The following MTFR1 variants were observed in gnomAD, a reference collection of about 807,000 sequenced individuals.
MTFR1 encodes the protein mitochondrial fission regulator 1.
In MTFR1, 28 loss-of-function variants were observed where a neutral mutation model predicts 38.8. The ratio of observed to expected loss-of-function variants is 0.72; its 90% CI spans 0.53 to 0.99. MTFR1 has a LOEUF of 0.99. Among genes scored for constraint, MTFR1 ranks in the 50% least tolerant of loss-of-function variants. MTFR1 has a pLI of 0.00. For synonymous variants in MTFR1, 145 were observed against 137.0 expected, an observed-to-expected ratio of 1.06 and a Z score of -0.41; for missense variants, 358 against 395.5, an observed-to-expected ratio of 0.91 and a Z score of 0.81.
chr8:65,777,959 T>C, the MTFR1 span, among the ~76,000 whole-genome samples: 4 of 152,228 alleles, frequency 2.6e-5, no homozygotes, highest in African/African-American at 7.2e-5. Flanking sequence ...TTCTAGAGAT[T>C]TCTCAGCCAT....
At chr8:65,737,798 C>T (rs1041301189) in intron 3 of MTFR1, among the ~76,000 whole-genome samples, 1 of 152,176 alleles carries the variant, frequency 6.6e-6, no homozygotes, top group Non-Finnish European at 1.5e-5. Flanking sequence ...GGATTACAGG[C>T]GTGAGCCACC....
chr8:65,650,468 A>G (rs2129047122), intron 1 of MTFR1, among the ~76,000 whole-genome samples: 2 of 152,202 alleles, frequency 1.3e-5, no homozygotes, highest in African/African-American at 4.8e-5. Flanking sequence ...CACCGCGCCT[A>G]GCCAACCATC....
chr8:65,727,600 G>T (rs1296962737), intron 3 of MTFR1: 1 of 235,462 alleles, frequency 4.2e-6, no homozygotes, highest in Non-Finnish European at 8.1e-6. Flanking sequence ...AACATAAACC[G>T]TTCTTTTTGA....
intron 1 of MTFR1, among the ~76,000 whole-genome samples, chr8:65,664,262 A>G (rs1006499759): frequency 2.0e-5 from 3 of 152,336 alleles, no homozygotes; most frequent in East Asian, 1.9e-4. Context: ...TTTTATTTGT[A>G]ATAGCTAAAA....
intron 3 of MTFR1, among the ~76,000 whole-genome samples, chr8:65,759,860 A>AT (rs201184630): frequency 6.7e-5 from 10 of 150,248 alleles, no homozygotes; most frequent in Admixed American, 3.3e-4. Context: ...GGTACTCTAG[A>AT]TTTTTTTTTT....
At chr8:65,664,675 C>T (rs1804323130) in intron 1 of MTFR1, among the ~76,000 whole-genome samples, 1 of 148,968 alleles carries the variant, frequency 6.7e-6, no homozygotes, top group South Asian at 2.1e-4. Flanking sequence ...CAGCCCATTG[C>T]AACTTTTGCC....
chr8:65,666,105 T>A (rs66824691), intron 1 of MTFR1, among the ~76,000 whole-genome samples: 29,217 of 152,100 alleles, frequency 0.19, 2,968 homozygotes, highest in Middle Eastern at 0.23. Flanking sequence ...AATATGAAAA[T>A]ATTAAAATAG....
downstream of MTFR1, among the ~76,000 whole-genome samples, chr8:65,710,904 T>C (rs541242062): frequency 1.4e-4 from 22 of 152,160 alleles, no homozygotes; most frequent in African/African-American, 5.1e-4. Context: ...AGAATAGTTA[T>C]ACCTCAGCTA....
chr8:65,742,172 TA>T (rs1449984470), intron 3 of MTFR1, among the ~76,000 whole-genome samples: 1 of 152,248 alleles, frequency 6.6e-6, no homozygotes, highest in Non-Finnish European at 1.5e-5. Context: ...ATTGTATTTT[TA>T]GAAAAGCTAC....
chr8:65,750,677 A>C (rs915237945), intron 3 of MTFR1, among the ~76,000 whole-genome samples: 1 of 152,108 alleles, frequency 6.6e-6, no homozygotes, highest in East Asian at 1.9e-4. Flanking sequence ...GGTTAAGTCA[A>C]TTGGTACTGT....
At chr8:65,762,884 C>T (rs1459543590) in intron 3 of MTFR1, among the ~76,000 whole-genome samples, 1 of 151,982 alleles carries the variant, frequency 6.6e-6, no homozygotes, top group East Asian at 1.9e-4. Flanking sequence ...AACCTATAAT[C>T]CCAGCATTAT....
chr8:65,662,514 C>A (rs1403159391), intron 1 of MTFR1, among the ~76,000 whole-genome samples: 1 of 148,190 alleles, frequency 6.7e-6, no homozygotes, highest in Non-Finnish European at 1.5e-5. Context: ...TCTGCCCGGC[C>A]GCCACCCCGT....
At chr8:65,708,827 C>G (rs1249689538) in intron 7 of MTFR1, 149 bp from the exon 8 acceptor site, 20 of 686,714 alleles carry the variant, frequency 2.9e-5, no homozygotes, top group South Asian at 7.6e-5. Context: ...AACAACCCAT[C>G]AATTTGTAAA....
chr8:65,727,384 CA>C, intron 3 of MTFR1: 1 of 1,559,806 alleles, frequency 6.4e-7, no homozygotes, highest in Non-Finnish European at 8.7e-7. Context: ...AATTAGCAGC[CA>C]ATGGTAGTGG....
At chr8:65,655,951 A>AATATATATATATATATGTAT (rs1554545339) in intron 1 of MTFR1, among the ~76,000 whole-genome samples, 4 of 55,398 alleles carry the variant, frequency 7.2e-5, no homozygotes, top group East Asian at 3.0e-4. Context: ...TAAAAAAAAA[A>AATATATATATATATATGTAT]ATATATATAT....
intron 1 of MTFR1, among the ~76,000 whole-genome samples, chr8:65,657,559 C>G (rs1253774058): frequency 2.0e-5 from 3 of 151,882 alleles, no homozygotes; most frequent in African/African-American, 7.3e-5. Flanking sequence ...AAAAAAATAG[C>G]CAGGCATGGT....
intron 3 of MTFR1, 134 bp downstream of exon 3, chr8:65,682,585 G>T (rs1804934974): frequency 6.8e-6 from 4 of 586,790 alleles, no homozygotes; most frequent in East Asian, 5.1e-5. Flanking sequence ...AATAGAAGAG[G>T]ATTAAAAACC....
At chr8:65,740,546 A>G (rs918578770) in intron 3 of MTFR1, among the ~76,000 whole-genome samples, 4 of 151,904 alleles carry the variant, frequency 2.6e-5, no homozygotes, top group Non-Finnish European at 4.4e-5. Flanking sequence ...GAGTACAGGC[A>G]CCCGCCACCA....
intron 3 of MTFR1, among the ~76,000 whole-genome samples, chr8:65,751,658 A>T (rs1042479081): frequency 3.3e-5 from 5 of 151,914 alleles, no homozygotes; most frequent in African/African-American, 4.8e-5. Flanking sequence ...ACACCCAGCT[A>T]ATTTTGTATT....
Sources: gnomAD v4.1 joint callset for allele counts (sites outside exome capture counted in the v4.1 genomes callset) on GRCh38, gnomAD v4.1.1 for gene constraint, MANE v1.5 for transcripts, NCBI Gene and HGNC (gene_info 2026-07-23, HGNC 2026-07-21) for gene names.